PATJ: variants seen among roughly 807,000 people sequenced by gnomAD.
The protein encoded by PATJ is inaD-like protein.
A neutral mutation model predicts 224.9 loss-of-function variants in PATJ; 190 were observed. That is an observed-to-expected ratio of 0.84 (90% CI 0.75 to 0.95). The LOEUF (loss-of-function observed/expected upper bound fraction) is 0.95. Among genes scored for constraint, PATJ ranks in the 40% least tolerant of loss-of-function variants. The probability of loss-of-function intolerance (pLI) is 0.00; values close to 1 mark genes in which losing one functional copy is unlikely to be tolerated. For missense variants in PATJ, 2,121 were observed against 2,270.3 expected, an observed-to-expected ratio of 0.93 and a Z score of 1.34; for synonymous variants, 769 against 820.3, an observed-to-expected ratio of 0.94 and a Z score of 1.07.
chr1:61,796,682 CTTT>C (rs1557660537), intron 10 of PATJ, among the ~76,000 whole-genome samples: 1 of 20,616 alleles, frequency 4.9e-5, no homozygotes, highest in East Asian at 1.7e-3. Flanking sequence ...TTCTTTCTTT[CTTT>C]CTTTCTTTCT....
At chr1:61,862,121 C>T (rs1157686998) in intron 19 of PATJ, among the ~76,000 whole-genome samples, 1 of 152,022 alleles carries the variant, frequency 6.6e-6, no homozygotes, top group African/African-American at 2.4e-5. Flanking sequence ...CCCCAGCCTC[C>T]CAGAGTGCTG....
At chr1:61,876,666 C>A (rs1328362566) in intron 21 of PATJ, among the ~76,000 whole-genome samples, 1 of 152,024 alleles carries the variant, frequency 6.6e-6, no homozygotes, top group Non-Finnish European at 1.5e-5. Flanking sequence ...CAGATGTGGC[C>A]ACATGTATAC....
intron 24 of PATJ, among the ~76,000 whole-genome samples, chr1:61,906,086 C>T (rs1397275533): frequency 6.6e-6 from 1 of 152,124 alleles, no homozygotes; most frequent in Non-Finnish European, 1.5e-5. Flanking sequence ...CATCCCTCCC[C>T]TTGAATTTTG....
chr1:62,031,350 G>T (rs557571688), intron 29 of PATJ, among the ~76,000 whole-genome samples: 2 of 152,048 alleles, frequency 1.3e-5, no homozygotes, highest in African/African-American at 4.8e-5. Context: ...ATTACACTCC[G>T]CTGTAATATT....
intron 38 of PATJ, 48 bp from the exon 39 acceptor site, chr1:62,122,973 T>C (rs886233990): frequency 1.6e-6 from 2 of 1,246,916 alleles, no homozygotes; most frequent in Non-Finnish European, 2.3e-6. Context: ...ATATGCTAAA[T>C]ATATTATTTT....
At chr1:62,012,664 T>C (rs1045643048) in intron 28 of PATJ, among the ~76,000 whole-genome samples, 2 of 152,112 alleles carry the variant, frequency 1.3e-5, no homozygotes, top group African/African-American at 4.8e-5. Context: ...TGAAAAAATA[T>C]GAAAACTGCT....
At chr1:61,777,469 C>T (rs1193481543) in intron 7 of PATJ, among the ~76,000 whole-genome samples, 1 of 151,912 alleles carries the variant, frequency 6.6e-6, no homozygotes, top group Non-Finnish European at 1.5e-5. Context: ...GTAGAGGCTG[C>T]TTTGAGCCGA....
At chr1:61,772,105 CG>C (rs1325982992) in intron 6 of PATJ, among the ~76,000 whole-genome samples, 55 of 118,196 alleles carry the variant, frequency 4.7e-4, no homozygotes, top group Middle Eastern at 0.01. Flanking sequence ...TCATGACGGT[CG>C]TTTTTTTTTT....
intron 31 of PATJ, among the ~76,000 whole-genome samples, chr1:62,056,954 G>C (rs1654649319): frequency 6.6e-6 from 1 of 152,140 alleles, no homozygotes; most frequent in Non-Finnish European, 1.5e-5. Context: ...AGCCACCTGA[G>C]TAGCTGGGAA....
rs773843084 is a variant in PATJ at position 61,797,415 on chromosome 1, A to T, written c.1389A>T (p.Pro463=). ...KTSSSTSPLE[P]PSDRGTVVEP... Reference sequence around the variant, plus strand: ...CCTCATCTACTTCTCCACTTGAACCACCTTCAGACAGAGGTGATTAATTTG... The same window carrying T: ...CCTCATCTACTTCTCCACTTGAACCTCCTTCAGACAGAGGTGATTAATTTG... Residue 463 remains proline, a synonymous_variant, in exon 11 of 44, where the codon CCA becomes CCT. Transcript: ENST00000642238. 6.2e-6 allele frequency: 10 copies of T among 1,613,040 alleles called. No homozygotes were observed. In the East Asian group the frequency reaches 2.2e-4, roughly 36 times the overall value.
At chr1:61,822,845 C>T (rs532543443) in intron 14 of PATJ, 100 bp from the exon 15 acceptor site, 2 of 1,374,012 alleles carry the variant, frequency 1.5e-6, no homozygotes, top group East Asian at 2.3e-5. Flanking sequence ...TGATCTAATT[C>T]AAGAGGTGGG....
rs1160465179 is a variant in PATJ at position 62,161,857 on chromosome 1, T to G, written c.*803T>G. 1 of 152,230 alleles carries G rather than the reference T, an allele frequency of 6.6e-6. No homozygotes were observed. Among genetic ancestry groups the G allele is most frequent in the Non-Finnish European group, 1.5e-5 (1 of 68,046 alleles). 9.4% of individuals were successfully genotyped at this position (152,230 alleles called of 1,614,324 possible). ...TCTCTTCAAGTAAGCAAGAAAACAT[T>G]AGCAGTGTAATTAATTTACCAGTGA... On this transcript the variant is annotated 3_prime_UTR_variant, in exon 44 of 44. Transcript: ENST00000642238.
chr1:62,031,723 T>G (rs1290931843), intron 29 of PATJ, among the ~76,000 whole-genome samples: 1 of 152,238 alleles, frequency 6.6e-6, no homozygotes, highest in Admixed American at 6.5e-5. Flanking sequence ...TTGCTGTTTT[T>G]GAACCTCAGC....
intron 30 of PATJ, among the ~76,000 whole-genome samples, chr1:62,044,693 A>G (rs1353381146): frequency 6.6e-6 from 1 of 152,224 alleles, no homozygotes; most frequent in Non-Finnish European, 1.5e-5. Context: ...AGGGAGGTTG[A>G]TCATGCAGGG....
chr1:62,062,401 T>C lies in PATJ; in HGVS notation c.4125+11343T>C, dbSNP rs1366855725. Among the ~76,000 whole-genome samples, 570 of 140,276 alleles carry C rather than the reference T, an allele frequency of 4.1e-3. 8 individuals carry two copies. Among genetic ancestry groups the C allele is most frequent in the African/African-American group, 0.014 (544 of 38,130 alleles). The allele number at this position is 140,276 out of a possible 152,430, so 92.0% of individuals were successfully genotyped here. A position where few individuals can be genotyped will look rare whatever the true frequency, so the allele number is the denominator to read the frequency against. On this transcript the variant is annotated intron_variant, in intron 31 of 43. Transcript: ENST00000642238. ...GCTTCTATGTTGTCTTCTTTTTTTTTTTTTTTTTTTTTTTTTTTCCTTTTT... is the reference window on the plus strand; with the variant it reads ...GCTTCTATGTTGTCTTCTTTTTTTTCTTTTTTTTTTTTTTTTTTCCTTTTT...
intron 32 of PATJ, 75 bp from the exon 33 acceptor site, chr1:62,084,440 T>C: frequency 6.7e-7 from 1 of 1,491,598 alleles, no homozygotes; most frequent in Non-Finnish European, 9.0e-7. Context: ...AGCCCCACAC[T>C]CCCCACGTGA....
At chr1:61,784,046 A>G (rs1178501399) in intron 7 of PATJ, among the ~76,000 whole-genome samples, 4 of 152,166 alleles carry the variant, frequency 2.6e-5, no homozygotes, top group Non-Finnish European at 4.4e-5. Flanking sequence ...CGGCCTCCCA[A>G]AGTGCTGGGA....
At chr1:61,794,357 C>A (rs1419840487) in intron 9 of PATJ, among the ~76,000 whole-genome samples, 5 of 152,050 alleles carry the variant, frequency 3.3e-5, no homozygotes. Flanking sequence ...GTCACCCAGG[C>A]TGGCCTCAAA....
At chr1:61,761,045 C>T (rs1392122174) in intron 1 of PATJ, among the ~76,000 whole-genome samples, 1 of 152,134 alleles carries the variant, frequency 6.6e-6, no homozygotes, top group African/African-American at 2.4e-5. Context: ...GTGGCATGAT[C>T]ATGGCTCACT....
Sources: gnomAD v4.1 joint callset for allele counts (sites outside exome capture counted in the v4.1 genomes callset) on GRCh38, gnomAD v4.1.1 for gene constraint, MANE v1.5 for transcripts, NCBI Gene and HGNC (gene_info 2026-07-23, HGNC 2026-07-21) for gene names.